The following CCDC91 variants were observed in gnomAD, a reference collection of about 807,000 sequenced individuals.
The protein encoded by CCDC91 is coiled-coil domain-containing protein 91.
In CCDC91, 48 loss-of-function variants were observed where a neutral mutation model predicts 63.2. The observed-to-expected ratio is 0.76, with a 90% confidence interval of 0.60 to 0.97. CCDC91 has a LOEUF of 0.97. Ranked by LOEUF, CCDC91 falls within the 50% of genes least tolerant of loss-of-function variation. The probability of loss-of-function intolerance (pLI) is 0.00; values close to 1 mark genes in which losing one functional copy is unlikely to be tolerated. For missense variants in CCDC91, 500 were observed against 494.6 expected (o/e 1.01, Z -0.10); for synonymous variants, 167 against 165.8 (o/e 1.01, Z -0.06).
rs1233388975 is a variant in CCDC91, at chr12:28,450,255, T to C, written c.855+2T>C. The C allele has an allele frequency of 6.3e-7, 1 of 1,597,652 alleles. No individual in the cohort carries two copies. The highest frequency in any genetic ancestry group is 1.7e-5 in the Admixed American group (1 of 59,890). Reference sequence around the variant, plus strand: ...ATTCAGCAATCTCAAGAACAGAAGGTAATACTTTAACTGTGCTCAGAGTGT... The same window carrying C: ...ATTCAGCAATCTCAAGAACAGAAGGCAATACTTTAACTGTGCTCAGAGTGT... On this transcript the variant is annotated splice_donor_variant, in intron 9 of 12. Transcript: ENST00000536442. LOFTEE classifies it high-confidence loss of function.
intron 11 of CCDC91, among the ~76,000 whole-genome samples, chr12:28,453,344 A>G (rs11049617): frequency 0.2 from 31,085 of 151,898 alleles, 4,173 homozygotes; most frequent in Non-Finnish European, 0.3. Flanking sequence ...AAGCAAAAGA[A>G]TAACATTCAT....
intron 1 of CCDC91, among the ~76,000 whole-genome samples, chr12:28,215,346 C>G (rs1234854531): frequency 2.0e-5 from 3 of 152,126 alleles, no homozygotes; most frequent in Admixed American, 6.6e-5. Flanking sequence ...TAATGTTTCT[C>G]TCTTTATTTA....
chr12:28,302,618 G>C, intron 3 of CCDC91: 1 of 984,190 alleles, frequency 1.0e-6, no homozygotes, highest in Non-Finnish European at 1.2e-6. Context: ...ACGGGGCAGA[G>C]TCAGGGAATG....
At chr12:28,293,946 A>C (rs1028163191) in intron 3 of CCDC91, among the ~76,000 whole-genome samples, 6 of 152,102 alleles carry the variant, frequency 3.9e-5, no homozygotes, top group African/African-American at 1.4e-4. Context: ...CTGGAAAAAT[A>C]ACACACACAC....
At chr12:28,496,776 G>C (rs1346034975) in intron 12 of CCDC91, among the ~76,000 whole-genome samples, 1 of 150,842 alleles carries the variant, frequency 6.6e-6, no homozygotes, top group Non-Finnish European at 1.5e-5. Flanking sequence ...TAATGCCTAA[G>C]TTATACAACA....
intron 6 of CCDC91, among the ~76,000 whole-genome samples, chr12:28,339,189 G>A (rs1378592525): frequency 6.6e-6 from 1 of 152,154 alleles, no homozygotes; most frequent in African/African-American, 2.4e-5. Flanking sequence ...ATTTCTGTCA[G>A]ACTAACGTGA....
chr12:28,411,366 A>G (rs541150354), intron 8 of CCDC91, among the ~76,000 whole-genome samples: 2 of 152,318 alleles, frequency 1.3e-5, no homozygotes, highest in East Asian at 3.9e-4. Context: ...GGAAGTTTCT[A>G]TATCACATAT....
At chr12:28,395,173 A>G (rs558318381) in intron 8 of CCDC91, among the ~76,000 whole-genome samples, 1 of 152,320 alleles carries the variant, frequency 6.6e-6, no homozygotes, top group South Asian at 2.1e-4. Context: ...TCACTGTTGT[A>G]TATGAATACT....
chr12:28,435,539 A>G (rs939338440), intron 8 of CCDC91, among the ~76,000 whole-genome samples: 8 of 151,814 alleles, frequency 5.3e-5, no homozygotes, highest in African/African-American at 1.4e-4. Context: ...AATGTGGTCT[A>G]TGCTAGTGAA....
chr12:28,261,723 T>C (rs542150133), intron 3 of CCDC91, among the ~76,000 whole-genome samples: 14 of 152,138 alleles, frequency 9.2e-5, no homozygotes, highest in African/African-American at 3.1e-4. Context: ...CTAATTCCTC[T>C]TCTCTAGGAG....
Position 28,501,315 on chromosome 12 carries a change from C to T in CCDC91, c.1215+17150C>T, listed in dbSNP as rs996368284. On this transcript the variant is annotated intron_variant, in intron 12 of 12. Coordinates refer to ENST00000536442, the MANE Select transcript of CCDC91 (RefSeq NM_018318.5). ...TCAAAGGGAATGCTTCCAGTTTTTG[C>T]CCATTCAGTATGATATTGGCTGTGG... 6.6e-5 allele frequency among the ~76,000 whole-genome samples: 10 copies of T among 151,798 alleles called. No individual in the cohort carries two copies. The East Asian group carries it at 1.9e-3, about 30-fold the overall frequency.
At chr12:28,412,594 G>A (rs550386985) in intron 8 of CCDC91, among the ~76,000 whole-genome samples, 11 of 152,210 alleles carry the variant, frequency 7.2e-5, no homozygotes, top group Non-Finnish European at 1.3e-4. Context: ...AAGATGGCAC[G>A]GACCCAAAGA....
chr12:28,201,321 G>A (rs1104361), intron 1 of CCDC91, among the ~76,000 whole-genome samples: 2,263 of 150,086 alleles, frequency 0.015, 21 homozygotes, highest in South Asian at 0.025. Context: ...CGGGGCGGCC[G>A]GGCAGAGACG....
chr12:28,206,539 G>T (rs1942864968), intron 1 of CCDC91, among the ~76,000 whole-genome samples: 1 of 152,102 alleles, frequency 6.6e-6, no homozygotes, highest in African/African-American at 2.4e-5. Context: ...TCCTTACCTA[G>T]GGTCCCCATA....
chr12:28,504,578 C>G lies in CCDC91; in HGVS notation c.1215+20413C>G, dbSNP rs189136007. 7.9e-5 allele frequency among the ~76,000 whole-genome samples: 12 copies of G among 151,908 alleles called. No homozygotes were observed. In the East Asian group the frequency reaches 1.8e-3, roughly 22 times the overall value. On this transcript the variant is annotated intron_variant, in intron 12 of 12. Transcript: ENST00000536442. ...AGAATCTGATATATATTGCTGTGAA[C>G]TCTTATCAACTCTTGCTGTCACCAC...
rs563225889 is a variant in CCDC91 at position 28,519,863 on chromosome 12, A to T, written c.1216-29200A>T. 2.6e-3 allele frequency among the ~76,000 whole-genome samples: 398 copies of T among 151,796 alleles called. 1 individual carries two copies. Among genetic ancestry groups the T allele is most frequent in the South Asian group, 4.4e-3 (21 of 4,804 alleles). On this transcript the variant is annotated intron_variant, in intron 12 of 12. Coordinates refer to ENST00000536442, the MANE Select transcript of CCDC91 (RefSeq NM_018318.5). ...CGATAGTTTGCTGAGAATGATGGAT[A>T]CCAGCTTCATCCATGTCCCAACAAA... is the stretch of plus-strand genomic sequence containing the variant.
intron 12 of CCDC91, among the ~76,000 whole-genome samples, chr12:28,524,841 A>T (rs1809869269): frequency 6.6e-6 from 1 of 152,042 alleles, no homozygotes; most frequent in Admixed American, 6.6e-5. Flanking sequence ...TTGTCTTTCC[A>T]GGAATTTATC....
At chr12:28,474,974 G>A (rs1951008778) in intron 11 of CCDC91, among the ~76,000 whole-genome samples, 1 of 151,984 alleles carries the variant, frequency 6.6e-6, no homozygotes, top group South Asian at 2.1e-4. Flanking sequence ...AACTGGTAAG[G>A]ATGGAATTCA....
At chr12:28,192,945 G>T (rs1941391255) in intron 1 of CCDC91, among the ~76,000 whole-genome samples, 1 of 152,052 alleles carries the variant, frequency 6.6e-6, no homozygotes, top group African/African-American at 2.4e-5. Flanking sequence ...TCTGTTCTCT[G>T]TCCCTGTCTA....
Sources: gnomAD v4.1 joint callset for allele counts (sites outside exome capture counted in the v4.1 genomes callset) on GRCh38, gnomAD v4.1.1 for gene constraint, MANE v1.5 for transcripts, NCBI Gene and HGNC (gene_info 2026-07-23, HGNC 2026-07-21) for gene names.